Variants in MAX observed in about 807,000 individuals in gnomAD.
MAX encodes the protein MYC associated transcriptional regulator X.
A neutral mutation model predicts 22.3 loss-of-function variants in MAX; 3 were observed. The ratio of observed to expected loss-of-function variants is 0.13; its 90% confidence interval spans 0.06 to 0.35. The LOEUF is 0.35. Ranked by LOEUF, MAX falls within the 10% of genes least tolerant of loss-of-function variation. The pLI is 1.00. For synonymous variants in MAX, 72 were observed against 77.7 expected (o/e 0.93, Z 0.39); for missense variants, 119 against 209.4 (o/e 0.57, Z 2.66).
chr14:65,074,488 C>A (rs1411481191), downstream of MAX, among the ~76,000 whole-genome samples: 1 of 152,216 alleles, frequency 6.6e-6, no homozygotes, highest in East Asian at 1.9e-4. Context: ...AAGATGGTGA[C>A]AAATCCAAGA....
At chr14:65,100,890 C>T (rs2063811640) in intron 2 of MAX, among the ~76,000 whole-genome samples, 1 of 152,240 alleles carries the variant, frequency 6.6e-6, no homozygotes, top group Admixed American at 6.5e-5. Context: ...ACTCTATGGT[C>T]TCATCCATCA....
At position 65,075,609 on chromosome 14, in the gene MAX, A is replaced by T; in HGVS notation, c.*867T>A. 9.4e-7 allele frequency: 1 copy of T among 1,066,470 alleles called. No individual in the cohort carries two copies. The highest frequency in any genetic ancestry group is 1.1e-6 in the Non-Finnish European group (1 of 879,764). The allele number at this position is 1,066,470 out of a possible 1,614,324, so 66.1% of individuals were successfully genotyped here. A position where few individuals can be genotyped will look rare whatever the true frequency, so the allele number is the denominator to read the frequency against. On this transcript the variant is annotated 3_prime_UTR_variant, in exon 5 of 5. Transcript: ENST00000358664. This position sits in a 1 kb window ranked among gnomAD's most constrained non-coding sequence, Gnocchi z 4.1. ...GACCGACATCATCAGAAATAGGTACAATTCACTCAGATTCAAATTTAAGTA... is the reference window on the plus strand; with the variant it reads ...GACCGACATCATCAGAAATAGGTACTATTCACTCAGATTCAAATTTAAGTA...
intron 2 of MAX, among the ~76,000 whole-genome samples, chr14:65,101,329 A>T (rs2063824823): frequency 6.6e-6 from 1 of 151,514 alleles, no homozygotes; most frequent in Admixed American, 6.6e-5. Flanking sequence ...AGCTCCTCTT[A>T]CTCACCTAGA....
intron 3 of MAX, among the ~76,000 whole-genome samples, chr14:65,087,890 G>A (rs1350773584): frequency 2.0e-5 from 3 of 152,150 alleles, no homozygotes; most frequent in Admixed American, 1.3e-4. Context: ...ATGTGTTGTG[G>A]CAGGAACTCG....
intron 1 of MAX, 100 bp downstream of exon 1, chr14:65,102,204 G>C: frequency 1.3e-6 from 2 of 1,568,992 alleles, no homozygotes; most frequent in Non-Finnish European, 8.6e-7. Context: ...GGAAGGAGGC[G>C]GCGGCAGCCC....
chr14:65,017,912 G>A (rs1004675350), intron 3 of MAX, among the ~76,000 whole-genome samples: 9 of 152,062 alleles, frequency 5.9e-5, no homozygotes, highest in Admixed American at 1.3e-4. Flanking sequence ...TCGAGATTGC[G>A]CCTTTGCACT....
chr14:65,096,525 GC>G (rs1310763099), intron 2 of MAX, among the ~76,000 whole-genome samples: 1 of 152,058 alleles, frequency 6.6e-6, no homozygotes, highest in Non-Finnish European at 1.5e-5. Flanking sequence ...CAATAACACT[GC>G]CCGCGCCTCA....
Position 65,075,589 on chromosome 14 carries a change from ACAT to A in MAX, c.*884_*886del. On this transcript the variant is annotated 3_prime_UTR_variant, in exon 5 of 5. Transcript: ENST00000358664. This position sits in a 1 kb window ranked among gnomAD's most constrained non-coding sequence, Gnocchi z 4.1. ...ATGAATCTGTCGCTTTGCAAGACCG[ACAT>A]CATCAGAAATAGGTACAATTCACTC... is the stretch of plus-strand genomic sequence containing the variant. 9.4e-7 allele frequency: 1 copy of A among 1,066,376 alleles called. No homozygotes were observed. Among genetic ancestry groups the A allele is most frequent in the African/African-American group, 1.6e-5 (1 of 61,248 alleles). The allele number at this position is 1,066,376 out of a possible 1,614,324, so 66.1% of individuals were successfully genotyped here.
At position 65,015,610 on chromosome 14, in the gene MAX, C is replaced by T. The variant is rs781118297; in HGVS notation, c.172-9326G>A. ...TTGTGAATAAGGGATGTTTTCTCTC[C>T]TGTCTCTCTCCCAGTGTCTGGATGC... is the stretch of plus-strand genomic sequence containing the variant. On this transcript the variant is annotated intron_variant, in intron 3 of 3. Transcript: ENST00000341653. 2.5e-6 allele frequency: 4 copies of T among 1,613,714 alleles called. No individual in the cohort carries two copies. In the African/African-American group the frequency reaches 4.0e-5, roughly 16 times the overall value.
chr14:65,015,664 C>A (rs1190756835), intron 3 of MAX: 1 of 1,614,162 alleles, frequency 6.2e-7, no homozygotes, highest in African/African-American at 1.3e-5. Context: ...CTATTGGATC[C>A]TGCACAGCTT....
At chr14:65,098,733 G>A (rs537384904) in intron 2 of MAX, among the ~76,000 whole-genome samples, 6 of 152,096 alleles carry the variant, frequency 3.9e-5, no homozygotes, top group Non-Finnish European at 7.4e-5. Flanking sequence ...ACTCTTTGGG[G>A]TTACTTCCTT....
At chr14:65,102,078 T>TC (rs1020117584) in intron 1 of MAX, among the ~76,000 whole-genome samples, 1 of 150,914 alleles carries the variant, frequency 6.6e-6, no homozygotes, top group Non-Finnish European at 1.5e-5. Context: ...GAGGTGGGGG[T>TC]CCCAGAAGCC....
At position 65,009,827 on chromosome 14, in the gene MAX, C is replaced by T. The variant is rs1265993595; in HGVS notation, c.172-3543G>A. On this transcript the variant is annotated intron_variant, in intron 3 of 3. Transcript: ENST00000341653. This position sits in a 1 kb window ranked among gnomAD's most constrained non-coding sequence, Gnocchi z 4.2. ...TTCCCTTTGGGAAGAGTTTTCTGACCCTCCATCTCTTCCCGTGGCTGATCA... is the reference window on the plus strand; with the variant it reads ...TTCCCTTTGGGAAGAGTTTTCTGACTCTCCATCTCTTCCCGTGGCTGATCA... Among the ~76,000 whole-genome samples the T allele has an allele frequency of 6.6e-6, 1 of 152,014 alleles. No homozygotes were observed. The highest frequency in any genetic ancestry group is 6.6e-5 in the Admixed American group (1 of 15,260).
chr14:65,092,515 T>C (rs1240622555), intron 3 of MAX, among the ~76,000 whole-genome samples: 1 of 152,220 alleles, frequency 6.6e-6, no homozygotes, highest in African/African-American at 2.4e-5. Context: ...GTACTTAGTG[T>C]TGTACCCAGG....
At chr14:65,034,035 G>A (rs558519251) in intron 3 of MAX, among the ~76,000 whole-genome samples, 8 of 152,262 alleles carry the variant, frequency 5.3e-5, no homozygotes, top group African/African-American at 1.7e-4. Flanking sequence ...TTTTTTGTAT[G>A]AGTTTCATTT....
intron 3 of MAX, among the ~76,000 whole-genome samples, chr14:65,035,995 C>G (rs190454319): frequency 2.6e-5 from 4 of 152,140 alleles, no homozygotes; most frequent in Admixed American, 2.0e-4. Context: ...CAACACCTAG[C>G]TAATTTTTAA....
chr14:65,057,320 T>C (rs768108805), intron 3 of MAX, among the ~76,000 whole-genome samples: 2 of 152,118 alleles, frequency 1.3e-5, no homozygotes, highest in Non-Finnish European at 2.9e-5. Context: ...ACCTAGCACT[T>C]TGGGAGGCTG....
At position 65,011,431 on chromosome 14, in the gene MAX, G is replaced by GAAA. The variant is rs767329195; in HGVS notation, c.172-5150_172-5148dup. On this transcript the variant is annotated intron_variant, in intron 3 of 3. Coordinates refer to the MAX transcript ENST00000341653. This position sits in a 1 kb window ranked among gnomAD's most constrained non-coding sequence, Gnocchi z 4.0. ...GTGACAGAGCGAGACTCCGTCTCAG[G>GAAA]AAAAAAAAAAAAAAAAAAAAAGACT... 3.1e-3 allele frequency among the ~76,000 whole-genome samples: 248 copies of GAAA among 80,046 alleles called. 6 individuals carry two copies. Among genetic ancestry groups the GAAA allele is most frequent in the African/African-American group, 9.1e-3 (215 of 23,698 alleles). 52.5% of individuals were successfully genotyped at this position (80,046 alleles called of 152,430 possible).
chr14:65,053,342 C>A, intron 3 of MAX: 1 of 1,432,428 alleles, frequency 7.0e-7, no homozygotes, highest in Middle Eastern at 1.9e-4. Context: ...TCTGGATAAA[C>A]CTGGCAAGTG....
Sources: gnomAD v4.1 joint callset for allele counts (sites outside exome capture counted in the v4.1 genomes callset) on GRCh38, gnomAD v4.1.1 for gene constraint, Gnocchi (gnomAD v3.1) non-coding constraint, MANE v1.5 for transcripts, NCBI Gene and HGNC (gene_info 2026-07-23, HGNC 2026-07-21) for gene names.